UBASH3B: variants seen among roughly 807,000 people sequenced by gnomAD.
UBASH3B encodes the protein ubiquitin-associated and SH3 domain-containing protein B.
A neutral mutation model predicts 83.4 loss-of-function variants in UBASH3B; 37 were observed. The observed-to-expected ratio is 0.44, with a 90% confidence interval of 0.34 to 0.58. The LOEUF is 0.58. Among genes scored for constraint, UBASH3B ranks in the 20% least tolerant of loss-of-function variants. The pLI, the probability that UBASH3B is intolerant of heterozygous loss-of-function variation, is 0.01. For missense variants in UBASH3B, 657 were observed against 827.2 expected (o/e 0.79, Z 2.52); for synonymous variants, 304 against 318.3 (o/e 0.96, Z 0.48).
At chr11:122,776,993 G>C (rs774307395) in intron 2 of UBASH3B, 31 bp from the exon 3 acceptor site, 63 of 1,543,446 alleles carry the variant, frequency 4.1e-5, no homozygotes, top group Non-Finnish European at 8.8e-7. Context: ...ATTCTCAAGC[G>C]ACACCTTGTT....
At position 122,810,957 on chromosome 11, in the gene UBASH3B, A is replaced by G. The variant is rs1861436073; in HGVS notation, c.*1071A>G. On this transcript the variant is annotated 3_prime_UTR_variant, in exon 14 of 14. Coordinates refer to ENST00000284273, the MANE Select transcript of UBASH3B (RefSeq NM_032873.5). ...TGCATCAATTATACCAGGGATGTAT[A>G]GTAAGTCAGGGAACTAATATAAATG... 6.6e-6 allele frequency: 1 copy of G among 152,254 alleles called. No individual in the cohort carries two copies. Among genetic ancestry groups the G allele is most frequent in the Non-Finnish European group, 1.5e-5 (1 of 68,032 alleles). The allele number at this position is 152,254 out of a possible 1,614,324, so 9.4% of individuals were successfully genotyped here. A position where few individuals can be genotyped will look rare whatever the true frequency, so the allele number is the denominator to read the frequency against.
intron 1 of UBASH3B, among the ~76,000 whole-genome samples, chr11:122,774,650 G>A (rs534439956): frequency 1.3e-5 from 2 of 152,294 alleles, no homozygotes; most frequent in South Asian, 4.1e-4. Context: ...CTTGCAGAGT[G>A]TCAGTGTAAC....
intron 1 of UBASH3B, chr11:122,774,071 C>T (rs752057400): frequency 2.2e-5 from 22 of 983,538 alleles, no homozygotes; most frequent in Non-Finnish European, 2.7e-5. Context: ...AAAAAAAAAG[C>T]GAGATGTGTG....
chr11:122,680,510 C>A (rs963216896), intron 1 of UBASH3B, among the ~76,000 whole-genome samples: 1 of 152,184 alleles, frequency 6.6e-6, no homozygotes, highest in African/African-American at 2.4e-5. Context: ...GTTGCCCAGG[C>A]TGGAGTGCAA....
At chr11:122,805,782 C>G (rs1193283347) in intron 11 of UBASH3B, among the ~76,000 whole-genome samples, 1 of 152,090 alleles carries the variant, frequency 6.6e-6, no homozygotes, top group Non-Finnish European at 1.5e-5. Flanking sequence ...TATCACATGC[C>G]TTTGTAGATT....
chr11:122,785,262 A>G (rs1305285883), intron 5 of UBASH3B, among the ~76,000 whole-genome samples: 1 of 152,218 alleles, frequency 6.6e-6, no homozygotes, highest in African/African-American at 2.4e-5. Flanking sequence ...TCGTTCTGAT[A>G]AAGCTCTCCT....
intron 11 of UBASH3B, among the ~76,000 whole-genome samples, chr11:122,802,415 A>G (rs945365598): frequency 2.6e-5 from 4 of 152,030 alleles, no homozygotes; most frequent in African/African-American, 9.7e-5. Flanking sequence ...GAAGGAACAG[A>G]TAGTCACAAC....
At chr11:122,784,781 T>G (rs1860918698) in intron 5 of UBASH3B, among the ~76,000 whole-genome samples, 1 of 152,086 alleles carries the variant, frequency 6.6e-6, no homozygotes, top group African/African-American at 2.4e-5. Context: ...CGCCTGTGAG[T>G]GTCAGGGGCT....
At chr11:122,657,116 G>A (rs974288255) in intron 1 of UBASH3B, among the ~76,000 whole-genome samples, 2 of 152,222 alleles carry the variant, frequency 1.3e-5, no homozygotes, top group African/African-American at 4.8e-5. Flanking sequence ...TCCCTGCCGT[G>A]CAGATTTCTT....
intron 4 of UBASH3B, chr11:122,782,390 G>C (rs533674671): frequency 6.6e-6 from 1 of 152,010 alleles, no homozygotes; most frequent in Non-Finnish European, 1.5e-5. Flanking sequence ...TGTCTCCCAG[G>C]GTACATTTGG....
Position 122,767,257 on chromosome 11 carries a change from A to G in UBASH3B, c.162-8962A>G, listed in dbSNP as rs547033516. Among the ~76,000 whole-genome samples, 38 of 90,550 alleles carry G rather than the reference A, an allele frequency of 4.2e-4. 1 individual carries two copies. The highest frequency in any genetic ancestry group is 1.6e-3 in the African/African-American group (38 of 23,344). The allele number at this position is 90,550 out of a possible 152,430, so 59.4% of individuals were successfully genotyped here. A position where few individuals can be genotyped will look rare whatever the true frequency, so the allele number is the denominator to read the frequency against. On this transcript the variant is annotated intron_variant, in intron 1 of 13. Transcript: ENST00000284273. ...GCATCCAGCCTGGTGACAGAGCAAG[A>G]CTCCGTCTCAAAAAAAAAAAAAAAG...
chr11:122,755,046 G>T (rs1375412825), intron 1 of UBASH3B, among the ~76,000 whole-genome samples: 1 of 152,192 alleles, frequency 6.6e-6, no homozygotes, highest in Non-Finnish European at 1.5e-5. Context: ...GGACCTTAAA[G>T]AAGCCATTGT....
intron 1 of UBASH3B, among the ~76,000 whole-genome samples, chr11:122,684,028 C>G (rs976607265): frequency 1.4e-4 from 22 of 152,166 alleles, no homozygotes; most frequent in Middle Eastern, 3.4e-3. Flanking sequence ...TAATATAGAT[C>G]TCATTTGGAT....
At chr11:122,708,826 TA>T (rs752680280) in intron 1 of UBASH3B, among the ~76,000 whole-genome samples, 25 of 152,210 alleles carry the variant, frequency 1.6e-4, no homozygotes, top group Non-Finnish European at 3.4e-4. Flanking sequence ...CGAAAGCATA[TA>T]ATAATCCTTC....
intron 1 of UBASH3B, among the ~76,000 whole-genome samples, chr11:122,661,933 TTTCGTTC>T (rs1863448724): frequency 6.8e-6 from 1 of 146,030 alleles, no homozygotes; most frequent in Non-Finnish European, 1.5e-5. Context: ...TGAGACAGAG[TTTCGTTC>T]TTGTTGCCCA....
chr11:122,720,660 C>T (rs1015044004), intron 1 of UBASH3B, among the ~76,000 whole-genome samples: 1 of 152,144 alleles, frequency 6.6e-6, no homozygotes, highest in South Asian at 2.1e-4. Flanking sequence ...CTTGAATACA[C>T]TACACACGCC....
chr11:122,806,416 C>T lies in UBASH3B; in HGVS notation c.1602C>T (p.His534=). ...NLSVDTTYRP[H]IPISKLVVSE... is the part of the protein sequence containing the mutation. ...GTTCATTTTTCTATTACAGACCTCA[C>T]ATTCCAATCAGCAAATTAGTTGTTT... is the stretch of plus-strand genomic sequence containing the variant. Residue 534 remains histidine (H), a synonymous_variant, in exon 12 of 14, where the codon CAC becomes CAT. Coordinates refer to ENST00000284273, the MANE Select transcript of UBASH3B (RefSeq NM_032873.5). The surrounding 1 kb of genome is among the most constrained non-coding windows in gnomAD (Gnocchi z 4.0). 1 of 1,601,624 alleles carries T rather than the reference C, an allele frequency of 6.2e-7. No individual in the cohort carries two copies. Among genetic ancestry groups the T allele is most frequent in the South Asian group, 1.1e-5 (1 of 87,240 alleles).
rs968938101 is a variant in UBASH3B, at chr11:122,814,273, C to T, written c.*4387C>T. On this transcript the variant is annotated 3_prime_UTR_variant, in exon 14 of 14. Coordinates refer to ENST00000284273, the MANE Select transcript of UBASH3B (RefSeq NM_032873.5). Reference sequence around the variant, plus strand: ...TGATTCAGGTGTATTTATTTGAAGACTATTTGTAGTTATAGGAAAACCACA... The same window carrying T: ...TGATTCAGGTGTATTTATTTGAAGATTATTTGTAGTTATAGGAAAACCACA... The T allele has an allele frequency of 6.6e-5, 10 of 152,408 alleles. No individual in the cohort carries two copies. The highest frequency in any genetic ancestry group is 2.4e-4 in the African/African-American group (10 of 41,376). The allele number at this position is 152,408 out of a possible 1,614,324, so 9.4% of individuals were successfully genotyped here. A position where few individuals can be genotyped will look rare whatever the true frequency, so the allele number is the denominator to read the frequency against.
intron 1 of UBASH3B, among the ~76,000 whole-genome samples, chr11:122,771,311 C>A (rs1465132872): frequency 6.6e-6 from 1 of 151,694 alleles, no homozygotes; most frequent in African/African-American, 2.4e-5. Context: ...CGGCTCACTG[C>A]ATCCTCCGCC....
Sources: gnomAD v4.1 joint callset for allele counts (sites outside exome capture counted in the v4.1 genomes callset) on GRCh38, gnomAD v4.1.1 for gene constraint, Gnocchi (gnomAD v3.1) non-coding constraint, MANE v1.5 for transcripts, NCBI Gene and HGNC (gene_info 2026-07-23, HGNC 2026-07-21) for gene names.